Variants in KCNH8 observed in about 807,000 individuals in gnomAD.
The protein encoded by KCNH8 is voltage-gated delayed rectifier potassium channel KCNH8.
KCNH8 carries 70 observed loss-of-function variants against 103.6 expected under a neutral mutation model. The ratio of observed to expected loss-of-function variants is 0.68; its 90% CI spans 0.56 to 0.82. KCNH8 has a LOEUF of 0.82. KCNH8 is among the 40% of genes least tolerant of loss of function. The pLI is 0.00. For missense variants in KCNH8, 1,217 were observed against 1,329.9 expected, an observed-to-expected ratio of 0.92 and a Z score of 1.32; for synonymous variants, 498 against 489.4, an observed-to-expected ratio of 1.02 and a Z score of -0.23.
At chr3:19,396,079 G>T (rs1287478732) in intron 7 of KCNH8, among the ~76,000 whole-genome samples, 1 of 151,984 alleles carries the variant, frequency 6.6e-6, no homozygotes, top group African/African-American at 2.4e-5. Flanking sequence ...ACCCTTTAGA[G>T]AATTGTCACA....
At position 19,156,666 on chromosome 3, in the gene KCNH8, T is replaced by A. The variant is rs1196657669; in HGVS notation, c.76+7871T>A. On this transcript the variant is annotated intron_variant, in intron 1 of 15. Coordinates refer to ENST00000328405, the MANE Select transcript of KCNH8 (RefSeq NM_144633.3). Reference sequence around the variant, plus strand: ...CCATTTTCTTTGAGATTTTTCTGTTTAGAATTTGCTGACTGTAGTACTCTC... The same window carrying A: ...CCATTTTCTTTGAGATTTTTCTGTTAAGAATTTGCTGACTGTAGTACTCTC... 2.6e-5 allele frequency among the ~76,000 whole-genome samples: 4 copies of A among 152,302 alleles called. No individual in the cohort carries two copies. The East Asian group carries it at 7.7e-4, about 29-fold the overall frequency.
intron 11 of KCNH8, among the ~76,000 whole-genome samples, chr3:19,461,949 T>C (rs1038469437): frequency 1.6e-4 from 24 of 152,198 alleles, no homozygotes; most frequent in Non-Finnish European, 2.1e-4. Flanking sequence ...GCTTCATCCA[T>C]GTCCCTACAA....
intron 2 of KCNH8, among the ~76,000 whole-genome samples, chr3:19,257,280 T>C (rs1405003382): frequency 1.3e-5 from 2 of 152,028 alleles, no homozygotes; most frequent in Admixed American, 1.3e-4. Flanking sequence ...CTATGATTGC[T>C]CTCCTGACCT....
intron 2 of KCNH8, among the ~76,000 whole-genome samples, chr3:19,273,631 G>A (rs1205091986): frequency 2.0e-5 from 3 of 152,134 alleles, no homozygotes; most frequent in Non-Finnish European, 2.9e-5. Context: ...AAAACATACC[G>A]GGAGGCAGAA....
chr3:19,350,541 GAT>G (rs2065786378), intron 5 of KCNH8, among the ~76,000 whole-genome samples: 2 of 152,226 alleles, frequency 1.3e-5, no homozygotes, highest in African/African-American at 4.8e-5. Flanking sequence ...CCAGAGGAAG[GAT>G]CAGGCAGCAA....
At chr3:19,298,222 A>G (rs1167015648) in intron 3 of KCNH8, among the ~76,000 whole-genome samples, 1 of 152,240 alleles carries the variant, frequency 6.6e-6, no homozygotes, top group Non-Finnish European at 1.5e-5. Flanking sequence ...CTAAGGTAAC[A>G]TCTTGTCTCA....
intron 1 of KCNH8, among the ~76,000 whole-genome samples, chr3:19,244,442 T>C (rs1253204525): frequency 1.3e-5 from 2 of 152,110 alleles, no homozygotes; most frequent in Non-Finnish European, 2.9e-5. Flanking sequence ...TTTGTTGTTG[T>C]TGTTGTTGTT....
At chr3:19,193,941 T>A (rs1307130121) in intron 1 of KCNH8, among the ~76,000 whole-genome samples, 1 of 151,772 alleles carries the variant, frequency 6.6e-6, no homozygotes, top group African/African-American at 2.4e-5. Context: ...TAAGTTGCTA[T>A]TATTGTGAAG....
chr3:19,416,306 CATATT>C (rs1166549484), intron 7 of KCNH8, among the ~76,000 whole-genome samples: 17 of 152,122 alleles, frequency 1.1e-4, no homozygotes, highest in Non-Finnish European at 1.3e-4. Context: ...TAATTATACA[CATATT>C]ATAAGACCTT....
chr3:19,232,434 G>A (rs185655681), intron 1 of KCNH8, among the ~76,000 whole-genome samples: 79 of 152,274 alleles, frequency 5.2e-4, no homozygotes, highest in African/African-American at 1.8e-3. Context: ...CTATTTGCAC[G>A]TGTTATGAAA....
Position 19,148,699 on chromosome 3 carries a change from A to G in KCNH8, c.-21A>G. 1 of 1,612,958 alleles carries G rather than the reference A, an allele frequency of 6.2e-7. No homozygotes were observed. The highest frequency in any genetic ancestry group is 1.1e-5 in the South Asian group (1 of 91,072). ...CCTTCTGGACAAACTTTGATGGAGA[A>G]TTTCACACCACGCTGGAAAAATGCC... On this transcript the variant is annotated 5_prime_UTR_variant, in exon 1 of 16. Coordinates refer to ENST00000328405, the MANE Select transcript of KCNH8 (RefSeq NM_144633.3).
chr3:19,296,038 C>G (rs949970893), intron 3 of KCNH8, among the ~76,000 whole-genome samples: 3 of 152,104 alleles, frequency 2.0e-5, no homozygotes, highest in Admixed American at 1.3e-4. Flanking sequence ...CTGCTTATCT[C>G]CCCAGTGAGC....
At chr3:19,425,135 GACT>G (rs558212842) in intron 7 of KCNH8, among the ~76,000 whole-genome samples, 2 of 152,318 alleles carry the variant, frequency 1.3e-5, no homozygotes, top group East Asian at 3.9e-4. Context: ...TACTTCACAT[GACT>G]TCCCGTTCTG....
intron 5 of KCNH8, among the ~76,000 whole-genome samples, chr3:19,384,803 G>A (rs1234110134): frequency 2.0e-5 from 3 of 151,960 alleles, no homozygotes; most frequent in South Asian, 2.1e-4. Flanking sequence ...TTACAAGAGC[G>A]GTTTTCTTTT....
At chr3:19,436,020 C>T (rs1292715368) in intron 7 of KCNH8, among the ~76,000 whole-genome samples, 1 of 152,014 alleles carries the variant, frequency 6.6e-6, no homozygotes, top group Non-Finnish European at 1.5e-5. Flanking sequence ...AAGCAAAATA[C>T]TGGGTCCATG....
At chr3:19,170,743 T>C (rs200113188) in intron 1 of KCNH8, among the ~76,000 whole-genome samples, 29 of 113,946 alleles carry the variant, frequency 2.5e-4, no homozygotes, top group African/African-American at 1.0e-3. Flanking sequence ...CACATATATA[T>C]ACACACACAT....
chr3:19,389,540 C>T (rs896167686), intron 5 of KCNH8, among the ~76,000 whole-genome samples: 2 of 151,856 alleles, frequency 1.3e-5, no homozygotes, highest in Non-Finnish European at 2.9e-5. Flanking sequence ...AATTCCATAT[C>T]GACACAGAGA....
chr3:19,388,102 G>A (rs2066383920), intron 5 of KCNH8, among the ~76,000 whole-genome samples: 1 of 151,770 alleles, frequency 6.6e-6, no homozygotes, highest in South Asian at 2.1e-4. Flanking sequence ...TGATGGTAAT[G>A]GGTTTTCCAT....
At chr3:19,510,312 C>T (rs768910620) in intron 11 of KCNH8, 51 bp from the exon 12 acceptor site, 1 of 1,171,526 alleles carries the variant, frequency 8.5e-7, no homozygotes, top group Non-Finnish European at 1.3e-6. Flanking sequence ...TCACCCAGTC[C>T]CAAACCACCA....
Sources: gnomAD v4.1 joint callset for allele counts (sites outside exome capture counted in the v4.1 genomes callset) on GRCh38, gnomAD v4.1.1 for gene constraint, MANE v1.5 for transcripts, NCBI Gene and HGNC (gene_info 2026-07-23, HGNC 2026-07-21) for gene names.